Variants in BTG4 observed in about 807,000 individuals in gnomAD.
BTG4 encodes protein BTG4.
In BTG4, 10 loss-of-function variants were observed where a neutral mutation model predicts 19.3. The observed-to-expected ratio is 0.52, with a 90% confidence interval of 0.32 to 0.88. The LOEUF is 0.88. Among genes scored for constraint, BTG4 ranks in the 40% least tolerant of loss-of-function variants. The pLI is 0.04. For synonymous variants in BTG4, 91 were observed against 95.7 expected, an observed-to-expected ratio of 0.95 and a Z score of 0.29; for missense variants, 238 against 281.9, an observed-to-expected ratio of 0.84 and a Z score of 1.11.
At chr11:111,439,174 C>T in the BTG4 span, among the ~76,000 whole-genome samples, 1 of 152,248 alleles carries the variant, frequency 6.6e-6, no homozygotes, top group Non-Finnish European at 1.5e-5. Context: ...GCCTTCTCAG[C>T]TGAGTTTAAA....
chr11:111,487,483 G>C (rs1246691648), intron 5 of BTG4, among the ~76,000 whole-genome samples: 1 of 152,080 alleles, frequency 6.6e-6, no homozygotes, highest in Non-Finnish European at 1.5e-5. Context: ...AGCCACATAT[G>C]ACAAACCCAC....
At chr11:111,391,414 A>T in the BTG4 span, among the ~76,000 whole-genome samples, 2 of 152,208 alleles carry the variant, frequency 1.3e-5, no homozygotes, top group Non-Finnish European at 2.9e-5. Flanking sequence ...GGCTCAAGGA[A>T]GTGTAGAGTT....
At chr11:111,423,740 C>T in the BTG4 span, among the ~76,000 whole-genome samples, 2 of 152,114 alleles carry the variant, frequency 1.3e-5, no homozygotes, top group African/African-American at 2.4e-5. Context: ...TAGATATCAC[C>T]ATCAGATGAG....
chr11:111,442,619 C>T, the BTG4 span, among the ~76,000 whole-genome samples: 1 of 150,098 alleles, frequency 6.7e-6, no homozygotes, highest in Non-Finnish European at 1.5e-5. Flanking sequence ...ACAACAACAA[C>T]AACCCACAAT....
the BTG4 span, among the ~76,000 whole-genome samples, chr11:111,413,230 C>T: frequency 1.3e-5 from 2 of 152,182 alleles, no homozygotes; most frequent in East Asian, 1.9e-4. Flanking sequence ...TGCAGAATTC[C>T]GATCACAAAG....
the BTG4 span, among the ~76,000 whole-genome samples, chr11:111,392,241 G>A: frequency 1.3e-3 from 163 of 126,004 alleles, no homozygotes; most frequent in African/African-American, 4.6e-3. Flanking sequence ...GCAGCGGCAC[G>A]ATCTCGGCTC....
rs118158540 is a variant in BTG4 at position 111,477,084 on chromosome 11, C to A, written c.663-9403G>T. Among the ~76,000 whole-genome samples, 334 of 152,274 alleles carry A rather than the reference C, an allele frequency of 2.2e-3. 1 individual carries two copies. Among genetic ancestry groups the A allele is most frequent in the Non-Finnish European group, 2.9e-3 (200 of 68,004 alleles). Reference sequence around the variant, plus strand: ...TTTTTTCTATATTCCTCATTCTTGGCTGATCAAGGCATCTACCAGGACATG... The same window carrying A: ...TTTTTTCTATATTCCTCATTCTTGGATGATCAAGGCATCTACCAGGACATG... On this transcript the variant is annotated intron_variant, in intron 5 of 5. Transcript: ENST00000356018.
downstream of BTG4, among the ~76,000 whole-genome samples, chr11:111,464,986 A>G (rs940230976): frequency 7.2e-5 from 11 of 152,348 alleles, no homozygotes; most frequent in South Asian, 1.9e-3. Flanking sequence ...ACATGTTAGA[A>G]GGAGCTAATG....
chr11:111,473,192 C>G (rs1180201793), intron 5 of BTG4: 2 of 152,376 alleles, frequency 1.3e-5, no homozygotes, highest in Admixed American at 1.3e-4. Context: ...AATTTAAAAG[C>G]AAAATTGTAC....
At chr11:111,424,459 T>A in the BTG4 span, among the ~76,000 whole-genome samples, 1 of 152,236 alleles carries the variant, frequency 6.6e-6, no homozygotes, top group Admixed American at 6.5e-5. Context: ...ATATAATTTT[T>A]GCTGTAAGAT....
chr11:111,477,510 A>T (rs1175171681), intron 5 of BTG4, among the ~76,000 whole-genome samples: 1 of 152,178 alleles, frequency 6.6e-6, no homozygotes, highest in African/African-American at 2.4e-5. Flanking sequence ...TCTTTGAGGA[A>T]GATGGGATAG....
chr11:111,400,816 G>A, the BTG4 span, among the ~76,000 whole-genome samples: 1 of 152,182 alleles, frequency 6.6e-6, no homozygotes, highest in Admixed American at 6.5e-5. Flanking sequence ...TTGACAGGAT[G>A]TAGTGAGAAG....
chr11:111,475,988 G>A (rs1781790313), intron 5 of BTG4, among the ~76,000 whole-genome samples: 1 of 151,822 alleles, frequency 6.6e-6, no homozygotes, highest in Non-Finnish European at 1.5e-5. Flanking sequence ...GAACAGTATG[G>A]GGGAAACCAC....
chr11:111,417,586 T>C, the BTG4 span: 1 of 152,162 alleles, frequency 6.6e-6, no homozygotes, highest in Non-Finnish European at 1.5e-5. Context: ...CCCTAATTCC[T>C]TGGGTGCTGG....
the BTG4 span, among the ~76,000 whole-genome samples, chr11:111,399,467 T>C: frequency 6.6e-6 from 1 of 152,152 alleles, no homozygotes; most frequent in South Asian, 2.1e-4. Context: ...TGGGGAGAAA[T>C]GACATATCTC....
the BTG4 span, among the ~76,000 whole-genome samples, chr11:111,441,241 T>C: frequency 6.6e-6 from 1 of 151,932 alleles, no homozygotes; most frequent in African/African-American, 2.4e-5. Flanking sequence ...AATAAAATAT[T>C]AGCAAAGAAA....
the BTG4 span, chr11:111,459,476 T>C: frequency 6.6e-6 from 1 of 152,282 alleles, no homozygotes; most frequent in Non-Finnish European, 1.5e-5. Context: ...GAATTCAGAA[T>C]GCTAAGTTGA....
the BTG4 span, among the ~76,000 whole-genome samples, chr11:111,429,530 G>A: frequency 2.0e-5 from 3 of 152,052 alleles, no homozygotes; most frequent in Non-Finnish European, 2.9e-5. Context: ...CATAAACAGG[G>A]GTTTATAATT....
chr11:111,459,223 C>T, the BTG4 span, among the ~76,000 whole-genome samples: 2 of 150,870 alleles, frequency 1.3e-5, no homozygotes, highest in Admixed American at 6.6e-5. Context: ...GTCTGGGTGA[C>T]GGTGAGATTC....
Sources: gnomAD v4.1 joint callset for allele counts (sites outside exome capture counted in the v4.1 genomes callset) on GRCh38, gnomAD v4.1.1 for gene constraint, MANE v1.5 for transcripts, NCBI Gene and HGNC (gene_info 2026-07-23, HGNC 2026-07-21) for gene names.